Variants in COL5A1 observed in about 807,000 individuals in gnomAD.
COL5A1 encodes the protein collagen alpha-1(V) chain.
A neutral mutation model predicts 263.7 loss-of-function variants in COL5A1; 16 were observed. That is an observed-to-expected ratio of 0.06 (90% CI 0.04 to 0.09). The LOEUF (loss-of-function observed/expected upper bound fraction) is 0.09. Among genes scored for constraint, COL5A1 ranks in the 10% least tolerant of loss-of-function variants. The pLI is 1.00. For missense variants in COL5A1, 2,036 were observed against 2,540.5 expected (o/e 0.80, Z 4.27); for synonymous variants, 1,012 against 1,004.5 (o/e 1.01, Z -0.14).
chr9:134,761,918 T>C lies in COL5A1; in HGVS notation c.1936-7T>C. 1 of 1,613,226 alleles carries C rather than the reference T, an allele frequency of 6.2e-7. No individual in the cohort carries two copies. The highest frequency in any genetic ancestry group is 8.5e-7 in the Non-Finnish European group (1 of 1,179,808). On this transcript the variant is annotated splice_polypyrimidine_tract_variant and splice_region_variant and intron_variant, in intron 18 of 65. Coordinates refer to ENST00000371817, the MANE Select transcript of COL5A1 (RefSeq NM_000093.5). ...GAGAGGCTGACGTTGACCCTTTCAC[T>C]TCCTAGGGTGACCCTGGTCCTTCCG... is the stretch of plus-strand genomic sequence containing the variant.
intron 62 of COL5A1, 31 bp downstream of exon 62, chr9:134,824,886 C>T: frequency 6.3e-7 from 1 of 1,592,344 alleles, no homozygotes; most frequent in Non-Finnish European, 8.5e-7. Flanking sequence ...GGGTGGCCCC[C>T]CAAAGCGGGC....
At chr9:134,720,847 C>T (rs993944803) in intron 4 of COL5A1, among the ~76,000 whole-genome samples, 1 of 152,134 alleles carries the variant, frequency 6.6e-6, no homozygotes, top group Admixed American at 6.5e-5. Flanking sequence ...AGGAGGAGTG[C>T]AGGCTCAGGA....
rs111407375 is a variant in COL5A1 at position 134,652,435 on chromosome 9, G to A, written c.109+10139G>A. Among the ~76,000 whole-genome samples, 2,791 of 152,206 alleles carry A rather than the reference G, an allele frequency of 0.018. 84 individuals are homozygous for A. Among genetic ancestry groups the A allele is most frequent in the African/African-American group, 0.062 (2,590 of 41,500 alleles). Reference sequence around the variant, plus strand: ...GCAGGGGAGCGACTGTCCTGCCAGGGATGCCAGTGTCATCCTCCTGCCCCT... The same window carrying A: ...GCAGGGGAGCGACTGTCCTGCCAGGAATGCCAGTGTCATCCTCCTGCCCCT... On this transcript the variant is annotated intron_variant, in intron 1 of 65. Transcript: ENST00000371817. This position sits in a 1 kb window ranked among gnomAD's most constrained non-coding sequence, Gnocchi z 4.4.
rs1830108461 is a variant in COL5A1, at chr9:134,841,750, C to T, written c.5371-407C>T. Among the ~76,000 whole-genome samples, 1 of 152,112 alleles carries T rather than the reference C, an allele frequency of 6.6e-6. No individual in the cohort carries two copies. Among genetic ancestry groups the T allele is most frequent in the Non-Finnish European group, 1.5e-5 (1 of 68,010 alleles). The stretch of plus-strand genomic sequence containing the variant: ...CCCCCGTTTGATTTTCCAGTGTGCC[C>T]TGCTTGTTCTGTAGCTGGCCCTGGG... On this transcript the variant is annotated intron_variant, in intron 65 of 65. Transcript: ENST00000371817. The surrounding 1 kb of genome is among the most constrained non-coding windows in gnomAD (Gnocchi z 4.8).
In COL5A1 at chr9:134,643,381, G is replaced by A. The variant is rs183371511; in HGVS notation, c.109+1085G>A. ...CGATGGGACGGTGGGCTCAGCGAAC[G>A]TCTGGACCAGCCCGCCGCCTGCCAG... On this transcript the variant is annotated intron_variant, in intron 1 of 65. Coordinates refer to ENST00000371817, the MANE Select transcript of COL5A1 (RefSeq NM_000093.5). Among the ~76,000 whole-genome samples, 633 of 152,288 alleles carry A rather than the reference G, an allele frequency of 4.2e-3. 29 individuals are homozygous for A. The South Asian group carries it at 0.091, about 22-fold the overall frequency.
chr9:134,813,939 C>T (rs369974884), intron 48 of COL5A1, 44 bp from the exon 49 acceptor site: 20 of 1,545,220 alleles, frequency 1.3e-5, no homozygotes, highest in East Asian at 2.4e-5. Flanking sequence ...CTGCGTTCAT[C>T]GCGGTGCTCA....
chr9:134,669,030 A>G (rs1399138558), intron 1 of COL5A1, among the ~76,000 whole-genome samples: 1 of 133,008 alleles, frequency 7.5e-6, no homozygotes, highest in Non-Finnish European at 1.6e-5. Flanking sequence ...CCATTTATCC[A>G]TTTACTCACC....
At chr9:134,649,091 G>T (rs1420639300) in intron 1 of COL5A1, among the ~76,000 whole-genome samples, 1 of 151,984 alleles carries the variant, frequency 6.6e-6, no homozygotes, top group Non-Finnish European at 1.5e-5. Context: ...GTTGGTGCGG[G>T]CGGGGTGTGG....
At chr9:134,701,535 C>T (rs1175044241) in intron 4 of COL5A1, among the ~76,000 whole-genome samples, 2 of 152,300 alleles carry the variant, frequency 1.3e-5, no homozygotes, top group Non-Finnish European at 1.5e-5. Context: ...GAGCTGCTGC[C>T]GCCTGTAGGC....
intron 4 of COL5A1, among the ~76,000 whole-genome samples, chr9:134,721,743 C>A (rs1331430019): frequency 6.6e-6 from 1 of 152,228 alleles, no homozygotes; most frequent in Non-Finnish European, 1.5e-5. Flanking sequence ...TGGGGCTGGC[C>A]CGTGGGAGGT....
At chr9:134,832,514 C>G (rs920541197) in intron 64 of COL5A1, among the ~76,000 whole-genome samples, 7 of 152,228 alleles carry the variant, frequency 4.6e-5, no homozygotes, top group African/African-American at 1.4e-4. Flanking sequence ...ACCAGGAGAG[C>G]AGGGCCTCAC....
rs369133868 is a variant in COL5A1 at position 134,822,195 on chromosome 9, G to T, written c.4608+45G>T. On this transcript the variant is annotated intron_variant, in intron 59 of 65. Transcript: ENST00000371817. ...TTGGTCATTCCTGGGAGGGCAGGGA[G>T]GGTGGGGATAAGCCTTGGGGCCTCA... 264 of 1,394,828 alleles carry T rather than the reference G, an allele frequency of 1.9e-4. 4 individuals carry two copies. The highest frequency in any genetic ancestry group is 2.6e-5 in the Non-Finnish European group (26 of 983,172). The allele number at this position is 1,394,828 out of a possible 1,614,324, so 86.4% of individuals were successfully genotyped here. A position where few individuals can be genotyped will look rare whatever the true frequency, so the allele number is the denominator to read the frequency against.
In COL5A1 at chr9:134,821,878, C is replaced by T. The variant is rs934742803; in HGVS notation, c.4555-219C>T. On this transcript the variant is annotated intron_variant, in intron 58 of 65. Coordinates refer to ENST00000371817, the MANE Select transcript of COL5A1 (RefSeq NM_000093.5). This position sits in a 1 kb window ranked among gnomAD's most constrained non-coding sequence, Gnocchi z 4.2. ...GGCAGCCCAGCCGGGGGAGCAGTGC[C>T]GAGGGCTGGCAGCCTTGGGGTGGAT... Among the ~76,000 whole-genome samples the T allele has an allele frequency of 1.1e-4, 16 of 152,200 alleles. No homozygotes were observed. Among genetic ancestry groups the T allele is most frequent in the Admixed American group, 2.6e-4 (4 of 15,292 alleles).
chr9:134,802,531 A>G (rs1299659243), intron 38 of COL5A1, among the ~76,000 whole-genome samples: 2 of 152,230 alleles, frequency 1.3e-5, no homozygotes, highest in Non-Finnish European at 2.9e-5. Flanking sequence ...ACTGAAGGGC[A>G]TGTGGGCTCT....
chr9:134,800,438 A>G (rs1456420932), intron 37 of COL5A1, among the ~76,000 whole-genome samples: 1 of 152,152 alleles, frequency 6.6e-6, no homozygotes, highest in Non-Finnish European at 1.5e-5. Context: ...GAGCCCTCCT[A>G]GAGTTTGCAA....
intron 1 of COL5A1, among the ~76,000 whole-genome samples, chr9:134,651,779 C>T (rs563341786): frequency 3.3e-5 from 5 of 152,332 alleles, no homozygotes; most frequent in African/African-American, 4.8e-5. Flanking sequence ...GGACTTTTCT[C>T]GGGTCCTCTG....
At chr9:134,676,912 C>T (rs1248126394) in intron 1 of COL5A1, among the ~76,000 whole-genome samples, 1 of 152,216 alleles carries the variant, frequency 6.6e-6, no homozygotes, top group East Asian at 1.9e-4. Context: ...CTGTACCAAG[C>T]ATCTGCTCTG....
chr9:134,811,235 G>A (rs775628594), intron 44 of COL5A1, 104 bp from the exon 45 acceptor site: 38 of 990,574 alleles, frequency 3.8e-5, no homozygotes, highest in Non-Finnish European at 4.7e-5. Context: ...CTGAACTGAC[G>A]ACGTTGGATG....
intron 4 of COL5A1, among the ~76,000 whole-genome samples, chr9:134,703,302 G>T (rs911174675): frequency 6.6e-6 from 1 of 152,230 alleles, no homozygotes; most frequent in Non-Finnish European, 1.5e-5. Context: ...AAGGAACTGC[G>T]GGCACAGGAG....
Sources: gnomAD v4.1 joint callset for allele counts (sites outside exome capture counted in the v4.1 genomes callset) on GRCh38, gnomAD v4.1.1 for gene constraint, Gnocchi (gnomAD v3.1) non-coding constraint, MANE v1.5 for transcripts, NCBI Gene and HGNC (gene_info 2026-07-23, HGNC 2026-07-21) for gene names.